APP: variants seen among roughly 807,000 people sequenced by gnomAD.
APP encodes amyloid beta precursor protein.
Under a neutral mutation model 101.4 loss-of-function variants are expected in APP, and 31 were observed. That is an observed-to-expected ratio of 0.31 (90% confidence interval 0.23 to 0.41). The LOEUF is 0.41. APP is among the 10% of genes least tolerant of loss of function. APP has a pLI of 1.00. For missense variants in APP, 839 were observed against 1,003.7 expected (o/e 0.84, Z 2.22); for synonymous variants, 366 against 364.4 (o/e 1.00, Z -0.05).
chr21:25,991,952 A>T (rs951243486), intron 8 of APP, among the ~76,000 whole-genome samples: 1 of 152,228 alleles, frequency 6.6e-6, no homozygotes, highest in Non-Finnish European at 1.5e-5. Flanking sequence ...GAACATCTCT[A>T]ATCTGAGAAT....
chr21:25,897,824 T>C lies in APP; in HGVS notation c.1964-151A>G, dbSNP rs2038180574. On this transcript the variant is annotated intron_variant, in intron 15 of 17. Coordinates refer to ENST00000346798, the MANE Select transcript of APP (RefSeq NM_000484.4). Reference sequence around the variant, plus strand: ...TGACTCTTAAAGAAAAATGATACCCTATATTTAAAACTTCAATTACTACCT... The same window carrying C: ...TGACTCTTAAAGAAAAATGATACCCCATATTTAAAACTTCAATTACTACCT... 9 of 671,840 alleles carry C rather than the reference T, an allele frequency of 1.3e-5. No individual in the cohort carries two copies. The South Asian group carries it at 1.5e-4, about 11-fold the overall frequency. 41.6% of individuals were successfully genotyped at this position (671,840 alleles called of 1,614,324 possible).
chr21:25,882,739 G>A (rs1415725016), intron 17 of APP, among the ~76,000 whole-genome samples: 1 of 152,154 alleles, frequency 6.6e-6, no homozygotes, highest in Non-Finnish European at 1.5e-5. Context: ...ATGGTAAGAT[G>A]AAGAGAATAA....
chr21:26,135,310 G>T (rs1439143688), intron 1 of APP, among the ~76,000 whole-genome samples: 1 of 152,108 alleles, frequency 6.6e-6, no homozygotes, highest in Non-Finnish European at 1.5e-5. Context: ...ACTCAGAAAG[G>T]GTATGGGGGT....
At chr21:26,093,103 T>C (rs758526481) in intron 2 of APP, among the ~76,000 whole-genome samples, 2 of 152,206 alleles carry the variant, frequency 1.3e-5, no homozygotes, top group Non-Finnish European at 2.9e-5. Flanking sequence ...TGCAGGCACT[T>C]TAGATCACAG....
intron 13 of APP, among the ~76,000 whole-genome samples, chr21:25,950,941 G>A (rs2041048324): frequency 5.3e-5 from 8 of 152,198 alleles, no homozygotes; most frequent in Admixed American, 5.2e-4. Flanking sequence ...TGTAAAACAA[G>A]TAAATTTCCA....
At chr21:26,129,595 G>A (rs984320765) in intron 1 of APP, among the ~76,000 whole-genome samples, 6 of 152,098 alleles carry the variant, frequency 3.9e-5, no homozygotes, top group African/African-American at 1.4e-4. Flanking sequence ...CTAATGACAA[G>A]CAGATGCACA....
intron 8 of APP, among the ~76,000 whole-genome samples, chr21:25,990,632 G>A (rs753639091): frequency 2.0e-5 from 3 of 152,182 alleles, no homozygotes; most frequent in Admixed American, 6.5e-5. Flanking sequence ...AACTGTAGCA[G>A]TAAAAGGAGA....
chr21:25,979,705 C>T (rs140041246), intron 9 of APP, among the ~76,000 whole-genome samples: 79 of 151,940 alleles, frequency 5.2e-4, no homozygotes, highest in African/African-American at 1.9e-3. Context: ...TTAAAGAAGA[C>T]CTGTCACATC....
chr21:25,945,301 TAA>T (rs2040759805), intron 13 of APP, among the ~76,000 whole-genome samples: 1 of 150,098 alleles, frequency 6.7e-6, no homozygotes, highest in African/African-American at 2.4e-5. Flanking sequence ...TTCTAGTAGA[TAA>T]AAGTGTTGTT....
chr21:25,981,716 T>G (rs867465403), intron 9 of APP, among the ~76,000 whole-genome samples: 3,314 of 151,068 alleles, frequency 0.022, 120 homozygotes, highest in African/African-American at 0.075. Context: ...AACAGGTTTT[T>G]TTTTTTTTTT....
intron 1 of APP, among the ~76,000 whole-genome samples, chr21:26,144,692 T>C (rs781518383): frequency 2.0e-5 from 3 of 152,242 alleles, no homozygotes; most frequent in Non-Finnish European, 2.9e-5. Context: ...GATCTCAGTA[T>C]ACAATTCAGT....
chr21:25,961,892 AG>A (rs1361566609), intron 11 of APP, among the ~76,000 whole-genome samples: 1 of 150,788 alleles, frequency 6.6e-6, no homozygotes, highest in Non-Finnish European at 1.5e-5. Context: ...TGATAAAGAG[AG>A]TTTAAGAAAC....
intron 3 of APP, among the ~76,000 whole-genome samples, chr21:26,077,973 C>T (rs1447037689): frequency 6.6e-6 from 1 of 152,178 alleles, no homozygotes; most frequent in Admixed American, 6.5e-5. Flanking sequence ...GTACTAAAAT[C>T]TGAATATTTC....
chr21:25,968,345 G>C (rs1331533071), intron 11 of APP, among the ~76,000 whole-genome samples: 1 of 120,694 alleles, frequency 8.3e-6, no homozygotes, highest in African/African-American at 3.4e-5. Flanking sequence ...TTTTTTTGTA[G>C]AGATAGGGCC....
chr21:26,170,540 C>T (rs1350204682), intron 1 of APP, 24 bp downstream of exon 1: 5 of 1,536,806 alleles, frequency 3.3e-6, no homozygotes, highest in Non-Finnish European at 4.4e-6. Context: ...AGCCTCCCCC[C>T]GCCTTCCGAG....
chr21:25,912,541 G>A (rs1313619141), intron 13 of APP, among the ~76,000 whole-genome samples: 1 of 152,106 alleles, frequency 6.6e-6, no homozygotes, highest in Non-Finnish European at 1.5e-5. Context: ...TGTGCTGCAT[G>A]ACCTATGCTC....
chr21:26,038,769 C>CA (rs1337206690), intron 5 of APP, among the ~76,000 whole-genome samples: 5 of 151,742 alleles, frequency 3.3e-5, no homozygotes, highest in African/African-American at 4.8e-5. Flanking sequence ...AACAAACAAA[C>CA]AAAAAAAACA....
At chr21:26,085,446 A>G in intron 3 of APP, among the ~76,000 whole-genome samples, 1 of 152,192 alleles carries the variant, frequency 6.6e-6, no homozygotes, top group Admixed American at 6.5e-5. Context: ...CTTCAAAATT[A>G]GTAGGATTTC....
chr21:26,161,287 T>C (rs2063487624), intron 1 of APP, among the ~76,000 whole-genome samples: 1 of 152,248 alleles, frequency 6.6e-6, no homozygotes, highest in Non-Finnish European at 1.5e-5. Context: ...AGTAAATATA[T>C]AGTTCCTTCC....
Sources: allele counts gnomAD v4.1 joint callset (sites outside exome capture counted in the v4.1 genomes callset), GRCh38; gene constraint gnomAD v4.1.1; transcripts MANE v1.5; gene names NCBI Gene and HGNC (gene_info 2026-07-23, HGNC 2026-07-21).